Variants in TMEM131L observed in about 807,000 individuals in gnomAD.
The protein encoded by TMEM131L is transmembrane protein 131-like.
In TMEM131L, 54 loss-of-function variants were observed where a neutral mutation model predicts 192.2. The observed-to-expected ratio is 0.28, with a 90% CI of 0.23 to 0.35. TMEM131L has a LOEUF of 0.35. TMEM131L is among the 10% of genes least tolerant of loss of function. The probability of loss-of-function intolerance (pLI) is 1.00; values close to 1 mark genes in which losing one functional copy is unlikely to be tolerated. For missense variants in TMEM131L, 1,888 were observed against 1,972.9 expected (o/e 0.96, Z 0.82); for synonymous variants, 701 against 704.9 (o/e 0.99, Z 0.09).
intron 7 of TMEM131L, among the ~76,000 whole-genome samples, chr4:153,572,091 A>G (rs1466435123): frequency 1.3e-5 from 2 of 151,234 alleles, no homozygotes; most frequent in African/African-American, 4.9e-5. Context: ...TAGGTATGGG[A>G]TAGAGAGTGC....
intron 3 of TMEM131L, among the ~76,000 whole-genome samples, chr4:153,491,296 T>A (rs1732763612): frequency 6.6e-6 from 1 of 152,176 alleles, no homozygotes; most frequent in Admixed American, 6.6e-5. Flanking sequence ...AGGAAGTAAG[T>A]GCAATAGGAA....
At chr4:153,593,012 G>A (rs943351038) in intron 18 of TMEM131L, among the ~76,000 whole-genome samples, 2 of 152,172 alleles carry the variant, frequency 1.3e-5, no homozygotes, top group Non-Finnish European at 2.9e-5. Flanking sequence ...GGATGTTCAA[G>A]TCCTTTAAAA....
intron 7 of TMEM131L, among the ~76,000 whole-genome samples, chr4:153,576,395 G>T (rs1489960911): frequency 6.6e-6 from 1 of 152,146 alleles, no homozygotes; most frequent in Admixed American, 6.5e-5. Flanking sequence ...TACAACAAAA[G>T]AAACAAAATA....
rs146288266 is a variant in TMEM131L, at chr4:153,584,422, G to T, written c.1061-413G>T. On this transcript the variant is annotated intron_variant, in intron 11 of 34. Transcript: ENST00000409959. ...TCAGAGAGTTAAGAATTGAACACAA[G>T]CGACTCAATATTATAACCTAATCAA... Among the ~76,000 whole-genome samples the T allele has an allele frequency of 8.6e-4, 131 of 152,306 alleles. No individual in the cohort carries two copies. The South Asian group carries it at 0.01, about 12-fold the overall frequency.
At chr4:153,477,232 A>G (rs1443163452) in intron 3 of TMEM131L, among the ~76,000 whole-genome samples, 1 of 152,050 alleles carries the variant, frequency 6.6e-6, no homozygotes, top group Non-Finnish European at 1.5e-5. Flanking sequence ...AGTGGGAGGG[A>G]ATCAGGAACT....
chr4:153,556,412 A>G lies in TMEM131L; in HGVS notation c.432+502A>G, dbSNP rs190816495. ...CACAGAGCTCAAACTTAGTCTTCTA[A>G]TAGTTTTAATTTCAGTGGTCTTTAA... On this transcript the variant is annotated intron_variant, in intron 5 of 34. Transcript: ENST00000409959. 3.9e-5 allele frequency among the ~76,000 whole-genome samples: 6 copies of G among 152,302 alleles called. No individual in the cohort carries two copies. In the East Asian group the frequency reaches 9.6e-4, roughly 24 times the overall value.
At chr4:153,599,377 A>G (rs1162498498) in intron 21 of TMEM131L, among the ~76,000 whole-genome samples, 1 of 152,128 alleles carries the variant, frequency 6.6e-6, no homozygotes, top group East Asian at 1.9e-4. Flanking sequence ...AGAATTGAAC[A>G]TGAGATTTTG....
In TMEM131L at chr4:153,596,307, A is replaced by T. The variant is rs754797265; in HGVS notation, c.2045A>T (p.Gln682Leu). The T allele has an allele frequency of 4.9e-5, 79 of 1,613,924 alleles. No homozygotes were observed. Among genetic ancestry groups the T allele is most frequent in the Non-Finnish European group, 6.4e-5 (76 of 1,179,916 alleles). The change falls in exon 20 of 35, where the codon CAG becomes CTG. Residue 682 changes from glutamine to leucine, a missense_variant. Transcript: ENST00000409959. ...SRFGILHLHL[Q>L]PLEMKRVGVV... Reference sequence around the variant, plus strand: ...TTTGGCATCCTCCACTTACATCTGCAGCCTTTGGAAATGAAAAGGGTTGGC... The same window carrying T: ...TTTGGCATCCTCCACTTACATCTGCTGCCTTTGGAAATGAAAAGGGTTGGC...
chr4:153,581,289 A>G lies in TMEM131L; in HGVS notation c.739-118A>G, dbSNP rs185104326. ...AAAATAAAATAAAACACAAAACAGC[A>G]TATTCTGTTCTCACACACGTCCCAT... On this transcript the variant is annotated intron_variant, in intron 8 of 34. Coordinates refer to ENST00000409959, the MANE Select transcript of TMEM131L (RefSeq NM_001131007.2). 8.5e-4 allele frequency: 626 copies of G among 732,430 alleles called. 2 individuals are homozygous for G. Among genetic ancestry groups the G allele is most frequent in the African/African-American group, 2.2e-3 (120 of 55,638 alleles). 45.4% of individuals were successfully genotyped at this position (732,430 alleles called of 1,614,324 possible).
intron 25 of TMEM131L, among the ~76,000 whole-genome samples, chr4:153,611,678 CT>C (rs1293750509): frequency 6.6e-6 from 1 of 152,144 alleles, no homozygotes; most frequent in Non-Finnish European, 1.5e-5. Context: ...TACTTTCTGT[CT>C]CTATGAATTC....
intron 3 of TMEM131L, 59 bp downstream of exon 3, chr4:153,473,947 C>A: frequency 8.5e-7 from 1 of 1,176,358 alleles, no homozygotes. Flanking sequence ...ACTTTGGGTG[C>A]TCTCTGAAGT....
intron 25 of TMEM131L, among the ~76,000 whole-genome samples, chr4:153,605,559 G>A (rs1007037384): frequency 2.6e-5 from 4 of 152,056 alleles, no homozygotes; most frequent in Admixed American, 6.5e-5. Flanking sequence ...TGTAGAGATG[G>A]GGTTTCACCA....
In TMEM131L at chr4:153,544,543, C is replaced by T. The variant is rs140815934; in HGVS notation, c.240-5530C>T. Among the ~76,000 whole-genome samples the T allele has an allele frequency of 3.8e-3, 583 of 152,286 alleles. 2 individuals carry two copies. Among genetic ancestry groups the T allele is most frequent in the South Asian group, 7.7e-3 (37 of 4,822 alleles). On this transcript the variant is annotated intron_variant, in intron 3 of 34. Transcript: ENST00000409959. Reference sequence around the variant, plus strand: ...ACACTGGCTTCCCTGCCTCACTCTCCTCACTCCACCCCTGGAGCCAGCAGG... The same window carrying T: ...ACACTGGCTTCCCTGCCTCACTCTCTTCACTCCACCCCTGGAGCCAGCAGG...
intron 26 of TMEM131L, among the ~76,000 whole-genome samples, chr4:153,619,932 G>A (rs949613675): frequency 6.6e-6 from 1 of 152,224 alleles, no homozygotes; most frequent in African/African-American, 2.4e-5. Flanking sequence ...CTAACACACT[G>A]AAGAGTTGTG....
At chr4:153,594,426 AC>A (rs68191439) in intron 19 of TMEM131L, among the ~76,000 whole-genome samples, 5,173 of 152,200 alleles carry the variant, frequency 0.034, 125 homozygotes, top group Non-Finnish European at 0.048. Flanking sequence ...TTGCCTGGGG[AC>A]TTGGCAGCCT....
In TMEM131L at chr4:153,635,355, G is replaced by C. The variant is rs1734495266; in HGVS notation, c.4418-77G>C. ...TTGTCAGTATAGTGAGACCTTGAAA[G>C]CTTTTTTGCCTGAGAGTGAGAATTC... On this transcript the variant is annotated intron_variant, in intron 33 of 34. Transcript: ENST00000409959. 11 of 1,427,492 alleles carry C rather than the reference G, an allele frequency of 7.7e-6. No individual in the cohort carries two copies. The East Asian group carries it at 2.5e-4, about 33-fold the overall frequency. The allele number at this position is 1,427,492 out of a possible 1,614,324, so 88.4% of individuals were successfully genotyped here.
Position 153,473,869 on chromosome 4 carries a change from G to A in TMEM131L, c.220G>A (p.Glu74Lys). 2.6e-6 allele frequency: 4 copies of A among 1,546,158 alleles called. No homozygotes were observed. Among genetic ancestry groups the A allele is most frequent in the Non-Finnish European group, 3.5e-6 (4 of 1,144,850 alleles). ...TQGDSEEGLE[E>K]PSQEQSFSDK... ...GGGTGATTCTGAAGAGGGTCTGGAG[G>A]AGCCTTCTCAAGAACAGAGGTAAGG... The change falls in exon 3 of 35, where the codon GAG (glutamate) becomes AAG (lysine). Residue 74 changes from glutamate to lysine, a missense_variant. Transcript: ENST00000409959.
At chr4:153,493,074 C>T (rs756061727) in intron 3 of TMEM131L, among the ~76,000 whole-genome samples, 53 of 152,060 alleles carry the variant, frequency 3.5e-4, no homozygotes, top group Non-Finnish European at 6.9e-4. Flanking sequence ...GGACTGGGTG[C>T]GGTGGCTCAC....
rs113846788 is a variant in TMEM131L, at chr4:153,606,252, T to C, written c.3418+1822T>C. ...CATTTCCCCTGTTACGTGAGTCTTT[T>C]AGGCTTGAGCACAGTCTTTGACATA... On this transcript the variant is annotated intron_variant, in intron 25 of 34. Coordinates refer to ENST00000409959, the MANE Select transcript of TMEM131L (RefSeq NM_001131007.2). Among the ~76,000 whole-genome samples, 36 of 152,328 alleles carry C rather than the reference T, an allele frequency of 2.4e-4. No homozygotes were observed. In the Middle Eastern group the frequency reaches 0.01, roughly 43 times the overall value.
Sources: allele counts gnomAD v4.1 joint callset (sites outside exome capture counted in the v4.1 genomes callset), GRCh38; gene constraint gnomAD v4.1.1; transcripts MANE v1.5; gene names NCBI Gene and HGNC (gene_info 2026-07-23, HGNC 2026-07-21).